GAK: variants seen among roughly 807,000 people sequenced by gnomAD.
GAK encodes cyclin-G-associated kinase.
GAK carries 79 observed loss-of-function variants against 143.9 expected under a neutral mutation model. The observed-to-expected ratio is 0.55, with a 90% CI of 0.46 to 0.66. The LOEUF is 0.66. Among genes scored for constraint, GAK ranks in the 30% least tolerant of loss-of-function variants. The pLI, the probability that GAK is intolerant of heterozygous loss-of-function variation, is 0.00. For missense variants in GAK, 1,693 were observed against 1,779.7 expected, an observed-to-expected ratio of 0.95 and a Z score of 0.88; for synonymous variants, 881 against 765.5, an observed-to-expected ratio of 1.15 and a Z score of -2.49.
chr4:922,334 G>A (rs1199899012), intron 1 of GAK, among the ~76,000 whole-genome samples: 2 of 152,036 alleles, frequency 1.3e-5, no homozygotes, highest in East Asian at 1.9e-4. Context: ...GGGAAACATG[G>A]TGAAACCCCG....
At chr4:914,377 C>CAG (rs2152945885) in intron 1 of GAK, among the ~76,000 whole-genome samples, 1 of 101,804 alleles carries the variant, frequency 9.8e-6, no homozygotes, top group South Asian at 3.8e-4. Context: ...CCCCCACACA[C>CAG]ACAGCCCCAG....
At chr4:924,665 G>A (rs1724418127) in intron 1 of GAK, among the ~76,000 whole-genome samples, 3 of 152,306 alleles carry the variant, frequency 2.0e-5, no homozygotes, top group Admixed American at 2.0e-4. Context: ...TGGAGGAGGG[G>A]CCTGGTGGGA....
intron 23 of GAK, among the ~76,000 whole-genome samples, chr4:861,209 T>C (rs1750218155): frequency 6.6e-6 from 1 of 152,078 alleles, no homozygotes; most frequent in African/African-American, 2.4e-5. Context: ...CAACGGCCTA[T>C]AAGCGTTCAG....
intron 5 of GAK, among the ~76,000 whole-genome samples, chr4:901,589 G>A (rs746264795): frequency 1.3e-5 from 2 of 152,224 alleles, no homozygotes; most frequent in Non-Finnish European, 1.5e-5. Context: ...GTCACACAAG[G>A]TCAATTCCAG....
intron 1 of GAK, among the ~76,000 whole-genome samples, chr4:929,146 A>G (rs1725287150): frequency 6.6e-6 from 1 of 152,118 alleles, no homozygotes; most frequent in African/African-American, 2.4e-5. Flanking sequence ...GACCACACAC[A>G]AGTGGCCCTG....
In GAK at chr4:932,264, C is replaced by G; in HGVS notation, c.-77G>C. ...CCCGCTCCCTCGCCGTCCGGGTCAG[C>G]TCAGCAACCGCCGGCCCGGAGGTGC... On this transcript the variant is annotated 5_prime_UTR_variant, in exon 1 of 28. Coordinates refer to ENST00000314167, the MANE Select transcript of GAK (RefSeq NM_005255.4). This position sits in a 1 kb window ranked among gnomAD's most constrained non-coding sequence, Gnocchi z 4.0. The G allele has an allele frequency of 1.4e-6, 2 of 1,426,226 alleles. No homozygotes were observed. The highest frequency in any genetic ancestry group is 1.8e-6 in the Non-Finnish European group (2 of 1,097,334). The allele number at this position is 1,426,226 out of a possible 1,614,324, so 88.3% of individuals were successfully genotyped here.
rs770487421 is a variant in GAK at position 868,597 on chromosome 4, G to A, written c.2337C>T (p.Asp779=). 8.1e-6 allele frequency: 13 copies of A among 1,601,794 alleles called. No individual in the cohort carries two copies. The highest frequency in any genetic ancestry group is 5.1e-5 in the Admixed American group (3 of 58,670). The change falls in exon 20 of 28, where the codon GAC becomes GAT. Residue 779 remains aspartate, a synonymous_variant. Transcript: ENST00000314167. ...CGTCCGCGCTGCTGCTTGGCGGTGA[G>A]TCAGAGTCTGTGGGTTCGGCTTCCG... is the stretch of plus-strand genomic sequence containing the variant. ...GSPEAEPTDS[D]SPPSSSADAS... is the part of the protein sequence containing the mutation.
chr4:898,416 G>T (rs527905139), intron 5 of GAK, among the ~76,000 whole-genome samples: 43 of 152,384 alleles, frequency 2.8e-4, no homozygotes, highest in African/African-American at 9.6e-4. Flanking sequence ...GGGCCCCGAG[G>T]GGCTGAGGGA....
intron 1 of GAK, among the ~76,000 whole-genome samples, chr4:929,687 T>TA (rs33930196): frequency 0.56 from 81,289 of 145,252 alleles, 22,639 homozygotes; most frequent in South Asian, 0.68. Context: ...TCTCTTAAAT[T>TA]AAAAAAAAAA....
intron 18 of GAK, among the ~76,000 whole-genome samples, 161 bp from the exon 19 acceptor site, chr4:871,065 C>T (rs1712496236): frequency 6.6e-6 from 1 of 152,234 alleles, no homozygotes; most frequent in Non-Finnish European, 1.5e-5. Context: ...AAGCTGGAGC[C>T]CTGTGAGCTG....
chr4:865,109 G>C lies in GAK; in HGVS notation c.3166+13C>G. The C allele has an allele frequency of 1.9e-6, 3 of 1,605,488 alleles. No homozygotes were observed. The highest frequency in any genetic ancestry group is 2.6e-6 in the Non-Finnish European group (3 of 1,175,438). Reference sequence around the variant, plus strand: ...CGTCTGGGAGCCCTGTCCTTGGTGGGTGGTGGCCATACCTTCTGTGGCTGG... The same window carrying C: ...CGTCTGGGAGCCCTGTCCTTGGTGGCTGGTGGCCATACCTTCTGTGGCTGG... On this transcript the variant is annotated intron_variant, in intron 23 of 27. Transcript: ENST00000314167.
Position 893,418 on chromosome 4 carries a change from C to T in GAK, c.949G>A (p.Ala317Thr), listed in dbSNP as rs762398485. ...AEVVHQLQEI[A>T]AARNVNPKSP... The stretch of plus-strand genomic sequence containing the variant: ...TTGGGGTTCACGTTGCGGGCGGCCG[C>T]GATCTCCTGCAGCTGGTGCACCACC... Residue 317 changes from alanine (A) to threonine (T), a missense_variant, in exon 9 of 28, where the codon GCG becomes ACG. Physicochemically the swap from Ala to Thr is moderately conservative, Grantham distance 58. Around this residue, in one of 2 missense-constraint regions of GAK, gnomAD observed 871 missense variants for 991.0 expected, o/e 0.88. Coordinates refer to ENST00000314167, the MANE Select transcript of GAK (RefSeq NM_005255.4). The T allele has an allele frequency of 1.3e-5, 20 of 1,591,502 alleles. No homozygotes were observed. The highest frequency in any genetic ancestry group is 2.3e-5 in the South Asian group (2 of 88,624).
At chr4:860,984 G>C (rs944109844) in intron 23 of GAK, among the ~76,000 whole-genome samples, 6 of 152,202 alleles carry the variant, frequency 3.9e-5, no homozygotes, top group African/African-American at 1.4e-4. Context: ...ACTTCTTCAT[G>C]ATTGCATCTG....
At chr4:901,313 G>C (rs1719829769) in intron 5 of GAK, among the ~76,000 whole-genome samples, 3 of 152,206 alleles carry the variant, frequency 2.0e-5, no homozygotes, top group Non-Finnish European at 4.4e-5. Context: ...GGGCACACGG[G>C]GAGAGCCACG....
At chr4:850,398 G>T (rs1747910756) in intron 26 of GAK, 1 of 272,670 alleles carries the variant, frequency 3.7e-6, no homozygotes, top group South Asian at 1.1e-4. Flanking sequence ...AGAAGGGGAT[G>T]GTCCCTGGTG....
At chr4:885,028 T>C (rs886381776) in intron 11 of GAK, among the ~76,000 whole-genome samples, 18 of 151,552 alleles carry the variant, frequency 1.2e-4, no homozygotes, top group African/African-American at 4.4e-4. Context: ...CTTCCGTGCG[T>C]TCAAACGTTT....
intron 5 of GAK, among the ~76,000 whole-genome samples, chr4:901,849 A>G (rs1490787290): frequency 6.6e-6 from 1 of 152,184 alleles, no homozygotes; most frequent in Non-Finnish European, 1.5e-5. Flanking sequence ...GAGAAGCCAC[A>G]CTTTGGGAAA....
In GAK at chr4:903,573, A is replaced by G. The variant is rs77388105; in HGVS notation, c.525+1064T>C. 6.6e-5 allele frequency among the ~76,000 whole-genome samples: 10 copies of G among 151,346 alleles called. No individual in the cohort carries two copies. In the East Asian group the frequency reaches 1.7e-3, roughly 26 times the overall value. On this transcript the variant is annotated intron_variant, in intron 5 of 27. Coordinates refer to ENST00000314167, the MANE Select transcript of GAK (RefSeq NM_005255.4). ...GAGCAGGAGTTGGGGGCCTGGGCCAACACCACTGGGGGGCTGAGGAAGGAG... is the reference window on the plus strand; with the variant it reads ...GAGCAGGAGTTGGGGGCCTGGGCCAGCACCACTGGGGGGCTGAGGAAGGAG...
chr4:881,145 A>C lies in GAK; in HGVS notation c.1661+762T>G, dbSNP rs539182783. On this transcript the variant is annotated intron_variant, in intron 15 of 27. Transcript: ENST00000314167. Reference sequence around the variant, plus strand: ...TCCACAGGCTGTGCGCCCCATCCAGAGGGGATAAAGAATGGGGAGTCCCCT... The same window carrying C: ...TCCACAGGCTGTGCGCCCCATCCAGCGGGGATAAAGAATGGGGAGTCCCCT... Among the ~76,000 whole-genome samples, 6 of 152,254 alleles carry C rather than the reference A, an allele frequency of 3.9e-5. No individual in the cohort carries two copies. In the East Asian group the frequency reaches 1.2e-3, roughly 29 times the overall value.
Sources: gnomAD v4.1 joint callset for allele counts (sites outside exome capture counted in the v4.1 genomes callset) on GRCh38, gnomAD v4.1.1 for gene constraint, gnomAD v4.1.1 regional missense constraint, Gnocchi (gnomAD v3.1) non-coding constraint, MANE v1.5 for transcripts, NCBI Gene and HGNC (gene_info 2026-07-23, HGNC 2026-07-21) for gene names.